The following CCDC149 variants were observed in gnomAD, a reference collection of about 807,000 sequenced individuals.
CCDC149 encodes coiled-coil domain containing 149.
CCDC149 carries 45 observed loss-of-function variants against 59.9 expected under a neutral mutation model. The observed-to-expected ratio is 0.75, with a 90% CI of 0.59 to 0.96. CCDC149 has a LOEUF of 0.96. Ranked by LOEUF, CCDC149 falls within the 40% of genes least tolerant of loss-of-function variation. The probability of loss-of-function intolerance (pLI) is 0.00; values close to 1 mark genes in which losing one functional copy is unlikely to be tolerated. For synonymous variants in CCDC149, 245 were observed against 260.6 expected (o/e 0.94, Z 0.58); for missense variants, 584 against 664.7 (o/e 0.88, Z 1.33).
upstream of CCDC149, among the ~76,000 whole-genome samples, chr4:24,917,460 A>C (rs1011681362): frequency 4.6e-5 from 7 of 152,098 alleles, no homozygotes; most frequent in Non-Finnish European, 1.0e-4. Context: ...GTTGTGGGAG[A>C]CAAGAGGTGG....
At chr4:24,904,217 T>C (rs1357708979) in intron 1 of CCDC149, among the ~76,000 whole-genome samples, 5 of 152,236 alleles carry the variant, frequency 3.3e-5, no homozygotes, top group Non-Finnish European at 4.4e-5. Context: ...CATTTTAATA[T>C]ATTAATTCTA....
chr4:24,842,944 G>A (rs1184795566), intron 4 of CCDC149, among the ~76,000 whole-genome samples: 1 of 152,150 alleles, frequency 6.6e-6, no homozygotes, highest in Non-Finnish European at 1.5e-5. Flanking sequence ...TTCAGATCCA[G>A]CTTCTGCTAA....
At chr4:24,946,063 T>G (rs958389132) in intron 1 of CCDC149, among the ~76,000 whole-genome samples, 1 of 152,220 alleles carries the variant, frequency 6.6e-6, no homozygotes, top group African/African-American at 2.4e-5. Flanking sequence ...TGATAAGTAT[T>G]CTTGAAAAAC....
At chr4:24,813,496 A>C (rs865970986) in intron 12 of CCDC149, among the ~76,000 whole-genome samples, 57 of 11,188 alleles carry the variant, frequency 5.1e-3, no homozygotes, top group African/African-American at 0.013. Flanking sequence ...GGGAATATAT[A>C]TATATATATA....
At chr4:24,950,833 G>A (rs1723265843) in intron 1 of CCDC149, among the ~76,000 whole-genome samples, 1 of 152,168 alleles carries the variant, frequency 6.6e-6, no homozygotes, top group South Asian at 2.1e-4. Context: ...GGCCTGTGTA[G>A]CCACCATTCA....
chr4:24,856,997 A>G (rs6820274), intron 3 of CCDC149, among the ~76,000 whole-genome samples: 6,985 of 152,292 alleles, frequency 0.046, 396 homozygotes, highest in East Asian at 0.2. Flanking sequence ...CCCCATCTGG[A>G]GAAGATGCAG....
chr4:24,888,046 GA>G (rs1370418758), intron 1 of CCDC149, among the ~76,000 whole-genome samples: 2 of 152,120 alleles, frequency 1.3e-5, no homozygotes, highest in African/African-American at 4.8e-5. Context: ...CCCCCAGGCA[GA>G]GTGAGAGCCA....
At chr4:24,861,818 C>T (rs1577421552) in intron 3 of CCDC149, among the ~76,000 whole-genome samples, 1 of 152,218 alleles carries the variant, frequency 6.6e-6, no homozygotes, top group East Asian at 1.9e-4. Flanking sequence ...TACCATTTCT[C>T]TCGCTGTAAT....
At chr4:24,908,381 C>A (rs1721662118) in intron 1 of CCDC149, among the ~76,000 whole-genome samples, 1 of 152,084 alleles carries the variant, frequency 6.6e-6, no homozygotes. Context: ...GACTCTATAC[C>A]TACTCAACCT....
At chr4:24,893,054 C>T (rs1204933044) in intron 1 of CCDC149, among the ~76,000 whole-genome samples, 1 of 152,190 alleles carries the variant, frequency 6.6e-6, no homozygotes, top group East Asian at 1.9e-4. Flanking sequence ...AGGGCAGAGC[C>T]TTCCTGACCT....
intron 1 of CCDC149, among the ~76,000 whole-genome samples, chr4:24,960,162 A>T (rs1723597481): frequency 1.3e-5 from 2 of 152,312 alleles, no homozygotes; most frequent in South Asian, 4.1e-4. Flanking sequence ...CTCTTGCTAT[A>T]CGTAAGGTGA....
chr4:24,972,333 C>A (rs1371179092), intron 1 of CCDC149, among the ~76,000 whole-genome samples: 1 of 97,758 alleles, frequency 1.0e-5, no homozygotes, highest in Non-Finnish European at 2.0e-5. Context: ...TTTTTTGAGA[C>A]AAGGCTCTCT....
In CCDC149 at chr4:24,815,270, AG is replaced by A. The variant is rs373811749; in HGVS notation, c.1192+4588del. Among the ~76,000 whole-genome samples the A allele has an allele frequency of 6.3e-4, 96 of 152,330 alleles. 1 individual carries two copies. In the South Asian group the frequency reaches 0.019, roughly 30 times the overall value. ...AGTTCTTAAAATGGTACTTTTGAAA[AG>A]GAAAGATAAAGATTTCTGACTTGCA... On this transcript the variant is annotated intron_variant, in intron 12 of 12. Coordinates refer to ENST00000635206, the MANE Select transcript of CCDC149 (RefSeq NM_001330643.2).
At chr4:24,805,534 T>C (rs1714111478), downstream of CCDC149, among the ~76,000 whole-genome samples, 4 of 152,246 alleles carry the variant, frequency 2.6e-5, no homozygotes, top group Admixed American at 2.0e-4. Context: ...GATTCTGTTT[T>C]GGTGTTCAGC....
rs780334816 is a variant in CCDC149 at position 24,831,537 on chromosome 4, T to C, written c.934A>G (p.Met312Val). The C allele has an allele frequency of 1.2e-6, 2 of 1,614,072 alleles. No individual in the cohort carries two copies. The highest frequency in any genetic ancestry group is 8.5e-7 in the Non-Finnish European group (1 of 1,179,992). The change falls in exon 9 of 13, where the codon ATG becomes GTG. Residue 312 changes from methionine to valine, a missense_variant. Met to Val is a conservative substitution (Grantham distance 21). Coordinates refer to ENST00000635206, the MANE Select transcript of CCDC149 (RefSeq NM_001330643.2). ...GTTTGCCTCTGGTGCTGAATGACCATGTTTTTCTCGTGGATTGTTTCCAAC... is the reference window on the plus strand; with the variant it reads ...GTTTGCCTCTGGTGCTGAATGACCACGTTTTTCTCGTGGATTGTTTCCAAC...
upstream of CCDC149, among the ~76,000 whole-genome samples, chr4:24,916,787 G>GGTATGTGT (rs1553861267): frequency 7.0e-6 from 1 of 141,922 alleles, no homozygotes; most frequent in Non-Finnish European, 1.5e-5. Context: ...GGTTTATAAT[G>GGTATGTGT]GTGTGTGTGT....
chr4:24,863,672 C>T (rs934142629), intron 3 of CCDC149, among the ~76,000 whole-genome samples: 1 of 152,230 alleles, frequency 6.6e-6, no homozygotes, highest in South Asian at 2.1e-4. Flanking sequence ...ACTATTAGTT[C>T]TTACACTTTA....
chr4:24,926,966 G>T (rs1266329081), intron 1 of CCDC149, among the ~76,000 whole-genome samples: 1 of 152,174 alleles, frequency 6.6e-6, no homozygotes, highest in East Asian at 1.9e-4. Flanking sequence ...CTCCTAGTGT[G>T]AATGTTGCAG....
chr4:24,880,004 A>G (rs1719741774), intron 1 of CCDC149, among the ~76,000 whole-genome samples: 2 of 152,238 alleles, frequency 1.3e-5, no homozygotes, highest in African/African-American at 2.4e-5. Context: ...CATTCCGGTG[A>G]GTGTCTGTGC....
Sources: gnomAD v4.1 joint callset for allele counts (sites outside exome capture counted in the v4.1 genomes callset) on GRCh38, gnomAD v4.1.1 for gene constraint, MANE v1.5 for transcripts, NCBI Gene and HGNC (gene_info 2026-07-23, HGNC 2026-07-21) for gene names.